CSMD1: variants seen among roughly 807,000 people sequenced by gnomAD.
CSMD1 encodes the protein CUB and Sushi multiple domains 1.
CSMD1 carries 213 observed loss-of-function variants against 417.5 expected under a neutral mutation model. That is an observed-to-expected ratio of 0.51 (90% CI 0.46 to 0.57). The LOEUF is 0.57. Ranked by LOEUF, CSMD1 falls within the 20% of genes least tolerant of loss-of-function variation. The pLI is 0.00. For missense variants in CSMD1, 6,923 were observed against 4,529.7 expected (o/e 1.53, Z -15.17); for synonymous variants, 2,862 against 1,736.8 (o/e 1.65, Z -16.11).
rs529349190 is a variant in CSMD1, at chr8:4,384,732, G to T, written c.415+35221C>A. Reference sequence around the variant, plus strand: ...AAGGCACGTGCACACACTCTATGGAGCAATGTTGTGCCACTTCACATCAGC... The same window carrying T: ...AAGGCACGTGCACACACTCTATGGATCAATGTTGTGCCACTTCACATCAGC... On this transcript the variant is annotated intron_variant, in intron 3 of 69. Transcript: ENST00000635120. Among the ~76,000 whole-genome samples the T allele has an allele frequency of 2.0e-5, 3 of 152,300 alleles. No homozygotes were observed. The East Asian group carries it at 5.8e-4, about 29-fold the overall frequency.
chr8:4,716,131 C>G (rs115761141), intron 1 of CSMD1, among the ~76,000 whole-genome samples: 299 of 152,232 alleles, frequency 2.0e-3, no homozygotes, highest in African/African-American at 7.0e-3. Flanking sequence ...TGTGAGATGA[C>G]CTGCCTGGTG....
Position 4,470,694 on chromosome 8 carries a change from G to C in CSMD1, c.303-50629C>G, listed in dbSNP as rs1154076. 9.6e-3 allele frequency among the ~76,000 whole-genome samples: 1,467 copies of C among 152,240 alleles called. 19 individuals carry two copies. The highest frequency in any genetic ancestry group is 0.033 in the African/African-American group (1,379 of 41,536). On this transcript the variant is annotated intron_variant, in intron 2 of 69. Coordinates refer to ENST00000635120, the MANE Select transcript of CSMD1 (RefSeq NM_033225.6). ...AGTGCTTTTTGAAAAAGAATGGTACGAAAGAGTAAAGACAAAAAGAAGAAA... is the reference window on the plus strand; with the variant it reads ...AGTGCTTTTTGAAAAAGAATGGTACCAAAGAGTAAAGACAAAAAGAAGAAA...
At chr8:4,912,787 A>AT (rs1027257441) in intron 1 of CSMD1, among the ~76,000 whole-genome samples, 139 of 123,482 alleles carry the variant, frequency 1.1e-3, no homozygotes, top group African/African-American at 4.2e-3. Context: ...AGCACCAGCT[A>AT]TTTTTTTTGG....
intron 3 of CSMD1, among the ~76,000 whole-genome samples, chr8:4,253,021 G>T (rs1336077866): frequency 6.6e-6 from 1 of 152,176 alleles, no homozygotes; most frequent in Admixed American, 6.5e-5. Flanking sequence ...GGTACCAGCA[G>T]CTGAACAAAA....
intron 3 of CSMD1, among the ~76,000 whole-genome samples, chr8:4,282,126 T>G (rs779120): frequency 0.052 from 7,927 of 152,268 alleles, 345 homozygotes; most frequent in South Asian, 0.19. Context: ...TATGTAAACT[T>G]TAAAGTTATA....
At chr8:4,369,322 A>T (rs1256694705) in intron 3 of CSMD1, among the ~76,000 whole-genome samples, 3 of 151,618 alleles carry the variant, frequency 2.0e-5, no homozygotes, top group African/African-American at 7.3e-5. Flanking sequence ...TATGAATTGA[A>T]TTTTTTTTTA....
intron 41 of CSMD1, among the ~76,000 whole-genome samples, chr8:3,130,994 C>T (rs1013107383): frequency 1.3e-5 from 2 of 152,258 alleles, no homozygotes; most frequent in Admixed American, 6.5e-5. Context: ...CTTTAAAATC[C>T]GCGATAGTTT....
intron 53 of CSMD1, among the ~76,000 whole-genome samples, chr8:2,999,438 GCCA>G (rs1807206920): frequency 6.6e-6 from 1 of 152,128 alleles, no homozygotes; most frequent in Non-Finnish European, 1.5e-5. Flanking sequence ...ACAGGCGTGA[GCCA>G]CCACGCCTGG....
At chr8:3,490,170 C>T (rs1294858342) in intron 11 of CSMD1, among the ~76,000 whole-genome samples, 1 of 152,132 alleles carries the variant, frequency 6.6e-6, no homozygotes, top group East Asian at 1.9e-4. Flanking sequence ...AGTGGCTTTT[C>T]TTTCCTCTTC....
At chr8:4,388,002 T>C (rs910751828) in intron 3 of CSMD1, among the ~76,000 whole-genome samples, 5 of 152,280 alleles carry the variant, frequency 3.3e-5, no homozygotes, top group African/African-American at 4.8e-5. Flanking sequence ...AAACACATAA[T>C]TGAATCCATT....
intron 2 of CSMD1, among the ~76,000 whole-genome samples, chr8:4,574,362 C>A (rs1799036398): frequency 1.3e-5 from 2 of 152,164 alleles, no homozygotes; most frequent in Admixed American, 6.5e-5. Flanking sequence ...TCACGGCTTC[C>A]CTTGGCTAGG....
chr8:4,290,797 C>G (rs1797319254), intron 3 of CSMD1, among the ~76,000 whole-genome samples: 1 of 152,112 alleles, frequency 6.6e-6, no homozygotes, highest in South Asian at 2.1e-4. Flanking sequence ...TAAGCTTTTA[C>G]TTTCAAGAAA....
intron 46 of CSMD1, among the ~76,000 whole-genome samples, chr8:3,100,604 G>A (rs919920666): frequency 1.5e-4 from 23 of 152,098 alleles, no homozygotes; most frequent in Admixed American, 3.9e-4. Flanking sequence ...AAAAACACAC[G>A]TGAAAGCTTG....
intron 5 of CSMD1, among the ~76,000 whole-genome samples, chr8:3,896,785 T>A (rs907745971): frequency 2.0e-5 from 3 of 152,096 alleles, no homozygotes; most frequent in Non-Finnish European, 4.4e-5. Context: ...GCAAGTATAT[T>A]GTCTGAGAGT....
At position 4,078,313 on chromosome 8, in the gene CSMD1, C is replaced by CTTTT. The variant is rs34359373; in HGVS notation, c.416-46218_416-46215dup. ...CCATAATGATGAGTTTGATATCCAA[C>CTTTT]TTTTTTTTTTTTTTTTTTTGAGAGG... On this transcript the variant is annotated intron_variant, in intron 3 of 69. Coordinates refer to ENST00000635120, the MANE Select transcript of CSMD1 (RefSeq NM_033225.6). Among the ~76,000 whole-genome samples, 16 of 131,246 alleles carry CTTTT rather than the reference C, an allele frequency of 1.2e-4. 1 individual carries two copies. Among genetic ancestry groups the CTTTT allele is most frequent in the African/African-American group, 3.2e-4 (11 of 34,266 alleles). 86.1% of individuals were successfully genotyped at this position (131,246 alleles called of 152,430 possible).
chr8:4,038,767 G>C (rs1468269114), intron 3 of CSMD1, among the ~76,000 whole-genome samples: 1 of 152,306 alleles, frequency 6.6e-6, no homozygotes, highest in South Asian at 2.1e-4. Flanking sequence ...TAACGTGAAA[G>C]GATTTCTTGA....
chr8:3,200,349 G>A (rs1157960322), intron 32 of CSMD1, among the ~76,000 whole-genome samples: 1 of 151,998 alleles, frequency 6.6e-6, no homozygotes, highest in Non-Finnish European at 1.5e-5. Flanking sequence ...GAGGCCAGGA[G>A]TTTGAGACCA....
intron 7 of CSMD1, among the ~76,000 whole-genome samples, chr8:3,638,734 TG>T (rs973202651): frequency 6.6e-6 from 1 of 152,160 alleles, no homozygotes; most frequent in Non-Finnish European, 1.5e-5. Context: ...AGAATGTAGC[TG>T]TGAACTCAAA....
intron 21 of CSMD1, among the ~76,000 whole-genome samples, chr8:3,351,427 A>T (rs373767295): frequency 6.6e-6 from 1 of 152,026 alleles, no homozygotes; most frequent in African/African-American, 2.4e-5. Flanking sequence ...CCTGGCCAAC[A>T]TGGTGAAATC....
Sources: allele counts gnomAD v4.1 joint callset (sites outside exome capture counted in the v4.1 genomes callset), GRCh38; gene constraint gnomAD v4.1.1; transcripts MANE v1.5; gene names NCBI Gene and HGNC (gene_info 2026-07-23, HGNC 2026-07-21).